Variants in HDAC9 observed in about 807,000 individuals in gnomAD.
HDAC9 encodes the protein histone deacetylase 9.
HDAC9 carries 41 observed loss-of-function variants against 139.4 expected under a neutral mutation model. That is an observed-to-expected ratio of 0.29 (90% CI 0.23 to 0.38). HDAC9 has a LOEUF of 0.38. Ranked by LOEUF, HDAC9 falls within the 10% of genes least tolerant of loss-of-function variation. The pLI is 1.00. For synonymous variants in HDAC9, 517 were observed against 476.2 expected (o/e 1.09, Z -1.12); for missense variants, 1,147 against 1,297.0 (o/e 0.88, Z 1.78).
At chr7:18,624,029 T>C (rs1159709139) in intron 6 of HDAC9, among the ~76,000 whole-genome samples, 2 of 152,200 alleles carry the variant, frequency 1.3e-5, no homozygotes, top group Non-Finnish European at 2.9e-5. Flanking sequence ...TGTGTGCCTG[T>C]CTGCATGCAT....
chr7:18,553,683 C>G (rs546393149), intron 2 of HDAC9, among the ~76,000 whole-genome samples: 17 of 152,096 alleles, frequency 1.1e-4, no homozygotes, highest in Non-Finnish European at 2.4e-4. Flanking sequence ...ATTTTCTCCC[C>G]GAGGCAAATA....
At chr7:18,385,083 G>T (rs939834077) in intron 1 of HDAC9, among the ~76,000 whole-genome samples, 44 of 152,064 alleles carry the variant, frequency 2.9e-4, no homozygotes, top group African/African-American at 1.0e-3. Context: ...GATTCAAGTT[G>T]GTGTGGATGC....
chr7:18,301,121 A>G (rs1173261604), intron 1 of HDAC9, among the ~76,000 whole-genome samples: 2 of 152,128 alleles, frequency 1.3e-5, no homozygotes, highest in Non-Finnish European at 2.9e-5. Flanking sequence ...GGTTTATTGC[A>G]AATGTATTTT....
intron 6 of HDAC9, among the ~76,000 whole-genome samples, chr7:18,598,574 G>T (rs1038890412): frequency 3.2e-4 from 49 of 152,236 alleles, no homozygotes; most frequent in African/African-American, 1.1e-3. Flanking sequence ...GTTATTTTTA[G>T]AATTCAATTA....
chr7:18,903,055 T>C (rs1160355472), intron 22 of HDAC9, among the ~76,000 whole-genome samples: 15 of 152,222 alleles, frequency 9.9e-5, no homozygotes, highest in Non-Finnish European at 2.2e-4. Context: ...TATTCAGCAA[T>C]TTTCTTGCAT....
rs189415246 is a variant in HDAC9 at position 18,549,010 on chromosome 7, C to T, written c.23-36271C>T. Among the ~76,000 whole-genome samples the T allele has an allele frequency of 7.5e-4, 114 of 152,168 alleles. 1 individual carries two copies. Among genetic ancestry groups the T allele is most frequent in the Admixed American group, 1.6e-3 (25 of 15,292 alleles). On this transcript the variant is annotated intron_variant, in intron 2 of 25. Transcript: ENST00000686413. ...ATCTCAGCACTTTGGGAGGCCAAGG[C>T]GGGAGGATCGCGAGGTCAAGAGATC...
intron 2 of HDAC9, chr7:18,543,773 A>G (rs555816469): frequency 6.6e-6 from 1 of 152,150 alleles, no homozygotes; most frequent in Non-Finnish European, 1.5e-5. Flanking sequence ...GGTGATTTTG[A>G]TCAGCACCTC....
intron 16 of HDAC9, among the ~76,000 whole-genome samples, chr7:18,788,493 A>C (rs1411759641): frequency 6.6e-6 from 1 of 152,096 alleles, no homozygotes; most frequent in Admixed American, 6.6e-5. Context: ...GGTGGTTCAC[A>C]CCTGTCATCC....
chr7:18,246,223 T>A (rs1389246340), intron 2 of HDAC9, among the ~76,000 whole-genome samples: 1 of 150,480 alleles, frequency 6.6e-6, no homozygotes, highest in Non-Finnish European at 1.5e-5. Flanking sequence ...GTGGTTGGCC[T>A]CATTAGATAA....
intron 6 of HDAC9, among the ~76,000 whole-genome samples, chr7:18,599,875 C>G (rs745885047): frequency 3.0e-4 from 46 of 152,040 alleles, no homozygotes; most frequent in Non-Finnish European, 4.6e-4. Flanking sequence ...AAAAAACTGT[C>G]AAACTGTCTT....
chr7:18,184,983 G>A (rs1271777495), intron 2 of HDAC9, among the ~76,000 whole-genome samples: 1 of 152,158 alleles, frequency 6.6e-6, no homozygotes, highest in Non-Finnish European at 1.5e-5. Context: ...TATGTAAAAT[G>A]TGGTCTGCCT....
chr7:18,364,977 C>G (rs1233900378), intron 1 of HDAC9, among the ~76,000 whole-genome samples: 2 of 152,030 alleles, frequency 1.3e-5, no homozygotes, highest in Non-Finnish European at 2.9e-5. Flanking sequence ...TGAAGTGTCA[C>G]ACAGGGTAAA....
At chr7:18,233,139 G>T (rs1390908310) in intron 2 of HDAC9, among the ~76,000 whole-genome samples, 1 of 152,062 alleles carries the variant, frequency 6.6e-6, no homozygotes, top group Non-Finnish European at 1.5e-5. Flanking sequence ...CATTTTTAAT[G>T]GCAGCTCATA....
chr7:18,877,395 G>C (rs117091173), intron 22 of HDAC9, among the ~76,000 whole-genome samples: 1 of 152,134 alleles, frequency 6.6e-6, no homozygotes, highest in South Asian at 2.1e-4. Context: ...TTTATTGTGG[G>C]AGTAGGGTGA....
intron 21 of HDAC9, among the ~76,000 whole-genome samples, chr7:18,854,161 A>G (rs1199834315): frequency 6.6e-6 from 1 of 152,198 alleles, no homozygotes; most frequent in East Asian, 1.9e-4. Context: ...ACTTCACCAG[A>G]AATGTACCAG....
At chr7:18,437,055 A>C (rs1477402750) in intron 1 of HDAC9, among the ~76,000 whole-genome samples, 2 of 152,208 alleles carry the variant, frequency 1.3e-5, no homozygotes, top group Non-Finnish European at 2.9e-5. Flanking sequence ...ATTTCCTCAC[A>C]GCACTAGCAG....
intron 12 of HDAC9, among the ~76,000 whole-genome samples, chr7:18,684,490 AAAC>A (rs927122258): frequency 6.6e-6 from 1 of 151,832 alleles, no homozygotes. Flanking sequence ...ACAAACAAAC[AAAC>A]AATAAAACTA....
chr7:18,572,334 A>AT (rs1824577155), intron 2 of HDAC9, among the ~76,000 whole-genome samples: 1 of 151,010 alleles, frequency 6.6e-6, no homozygotes, highest in Non-Finnish European at 1.5e-5. Flanking sequence ...ATTCACAAAT[A>AT]TGACTATTTG....
At chr7:18,738,726 T>C (rs1471382237) in intron 13 of HDAC9, among the ~76,000 whole-genome samples, 1 of 152,150 alleles carries the variant, frequency 6.6e-6, no homozygotes, top group African/African-American at 2.4e-5. Flanking sequence ...GTGTATTTGA[T>C]GATTATGTGT....
Sources: gnomAD v4.1 joint callset for allele counts (sites outside exome capture counted in the v4.1 genomes callset) on GRCh38, gnomAD v4.1.1 for gene constraint, MANE v1.5 for transcripts, NCBI Gene and HGNC (gene_info 2026-07-23, HGNC 2026-07-21) for gene names.